Variants in MYH8 observed in about 807,000 individuals in gnomAD.
The protein encoded by MYH8 is myosin heavy chain 8.
In MYH8, 168 loss-of-function variants were observed where a neutral mutation model predicts 233.2. The ratio of observed to expected loss-of-function variants is 0.72; its 90% CI spans 0.64 to 0.82. The LOEUF (loss-of-function observed/expected upper bound fraction) is 0.82. MYH8 is among the 40% of genes least tolerant of loss of function. The pLI is 0.00. For synonymous variants in MYH8, 785 were observed against 850.6 expected, an observed-to-expected ratio of 0.92 and a Z score of 1.34; for missense variants, 1,995 against 2,327.8, an observed-to-expected ratio of 0.86 and a Z score of 2.94.
At chr17:10,392,799 C>T (rs2072039721) in intron 37 of MYH8, 32 bp downstream of exon 37, 4 of 1,614,104 alleles carry the variant, frequency 2.5e-6, no homozygotes, top group Non-Finnish European at 3.4e-6. Flanking sequence ...CCCTTTTTCC[C>T]TTCCCAGATT....
intron 12 of MYH8, 40 bp downstream of exon 12, chr17:10,413,862 A>G (rs371438676): frequency 3.1e-6 from 5 of 1,612,800 alleles, no homozygotes; most frequent in African/African-American, 2.7e-5. Context: ...TTTTTTTGCT[A>G]CATTCTCTCA....
At chr17:10,413,454 A>C (rs192702730) in intron 12 of MYH8, among the ~76,000 whole-genome samples, 10 of 152,194 alleles carry the variant, frequency 6.6e-5, no homozygotes, top group African/African-American at 2.4e-4. Context: ...TATATTGTCT[A>C]TGGATTTATA....
rs1247248833 is a variant in MYH8, at chr17:10,396,576, C to T, written c.4505G>A (p.Arg1502Lys). The stretch of plus-strand genomic sequence containing the variant: ...ACGTTGCAAGTTCTTATTTTCTCTT[C>T]TTAGCGTTTCGAGTTGATCCAGGGA... ...EESLDQLETL[R>K]RENKNLQQEI... Residue 1502 changes from arginine (R) to lysine (K), a missense_variant, in exon 32 of 40, where the codon AGA (arginine) becomes AAA (lysine). Arg to Lys is a conservative substitution (Grantham distance 26). This residue lies in a region of MYH8 where 1,498 missense variants were observed against 1,680.9 expected (regional missense o/e 0.89). Transcript: ENST00000403437. This position sits in a 1 kb window ranked among gnomAD's most constrained non-coding sequence, Gnocchi z 4.2. 1 of 1,614,032 alleles carries T rather than the reference C, an allele frequency of 6.2e-7. No homozygotes were observed. Among genetic ancestry groups the T allele is most frequent in the Non-Finnish European group, 8.5e-7 (1 of 1,180,030 alleles).
intron 28 of MYH8, 72 bp from the exon 29 acceptor site, chr17:10,398,958 GT>G (rs1567683067): frequency 3.7e-6 from 3 of 810,692 alleles, no homozygotes; most frequent in Non-Finnish European, 4.1e-6. Context: ...ATTTATATAT[GT>G]GTGTGTGTAT....
chr17:10,421,011 A>G (rs2072334636), intron 2 of MYH8, among the ~76,000 whole-genome samples: 1 of 152,220 alleles, frequency 6.6e-6, no homozygotes, highest in African/African-American at 2.4e-5. Flanking sequence ...CCCAGAAAAC[A>G]GAGAAAAAAG....
At position 10,420,212 on chromosome 17, in the gene MYH8, C is replaced by CT; in HGVS notation, c.15dup (p.Asp6ArgfsTer3). On this transcript the variant is annotated frameshift_variant, in exon 3 of 40. Transcript: ENST00000403437. LOFTEE classifies it high-confidence loss of function. ...TCGCCAAAAACAGCCATCTCAGCGT[C>CT]TGAGCTCGCACTCATGGCTGCGATT... 6.2e-7 allele frequency: 1 copy of CT among 1,613,318 alleles called. No homozygotes were observed. The highest frequency in any genetic ancestry group is 1.3e-5 in the African/African-American group (1 of 75,054).
intron 30 of MYH8, 58 bp from the exon 31 acceptor site, chr17:10,397,044 C>T: frequency 6.4e-7 from 1 of 1,560,284 alleles, no homozygotes; most frequent in Non-Finnish European, 8.8e-7. Flanking sequence ...AAGTGATAAC[C>T]TCCTTGGTCC....
chr17:10,395,110 G>C (rs189018791), intron 34 of MYH8, 23 bp downstream of exon 34: 11 of 1,612,248 alleles, frequency 6.8e-6, no homozygotes. Context: ...CTTCATCTGG[G>C]AGGCGAATGT....
rs780667343 is a variant in MYH8 at position 10,398,830 on chromosome 17, T to C, written c.3919A>G (p.Ser1307Gly). 6.2e-7 allele frequency: 1 copy of C among 1,613,948 alleles called. No individual in the cohort carries two copies. The highest frequency in any genetic ancestry group is 8.5e-7 in the Non-Finnish European group (1 of 1,180,014). Residue 1307 changes from serine (S) to glycine (G), a missense_variant, in exon 29 of 40, where the codon AGC (serine) becomes GGC (glycine). Around this residue, in one of 3 missense-constraint regions of MYH8, gnomAD observed 1,498 missense variants for 1,680.9 expected, o/e 0.89. Transcript: ENST00000403437. ...KDALVSQLSR[S>G]KQASTQQIEE... ...ATCTGCTGAGTAGATGCTTGCTTGC[T>C]CCTTGAAAGCTGAGAGACTAAAGCA... is the stretch of plus-strand genomic sequence containing the variant.
At chr17:10,395,486 A>C in intron 33 of MYH8, 45 bp from the exon 34 acceptor site, 1 of 1,598,538 alleles carries the variant, frequency 6.3e-7, no homozygotes, top group East Asian at 2.2e-5. Context: ...GAACCTGAGT[A>C]TTTGGAGTAT....
intron 12 of MYH8, among the ~76,000 whole-genome samples, chr17:10,413,415 A>G (rs1420108698): frequency 6.6e-6 from 1 of 152,058 alleles, no homozygotes; most frequent in Non-Finnish European, 1.5e-5. Context: ...TTTTTTCTCA[A>G]TTCCTTTTTT....
Position 10,401,199 on chromosome 17 carries a change from G to A in MYH8, c.3109-8C>T, listed in dbSNP as rs1254749375. ...TTCCAGAGACCCTTCAAGCTAATAA[G>A]AAAGTAAATATGGTAAAAATTGAAA... On this transcript the variant is annotated splice_polypyrimidine_tract_variant and splice_region_variant and intron_variant, in intron 24 of 39. Coordinates refer to ENST00000403437, the MANE Select transcript of MYH8 (RefSeq NM_002472.3). 1 of 1,613,538 alleles carries A rather than the reference G, an allele frequency of 6.2e-7. No homozygotes were observed.
Position 10,415,807 on chromosome 17 carries a change from T to C in MYH8, c.512-99A>G. 1.5e-6 allele frequency: 2 copies of C among 1,354,622 alleles called. No individual in the cohort carries two copies. Among genetic ancestry groups the C allele is most frequent in the Non-Finnish European group, 1.0e-6 (1 of 970,128 alleles). 83.9% of individuals were successfully genotyped at this position (1,354,622 alleles called of 1,614,324 possible). ...AACACAGCTTGTTCTTTTTAACTTT[T>C]TGAAGATGTCACCTTTGGTTTTGAT... On this transcript the variant is annotated intron_variant, in intron 5 of 39. Coordinates refer to ENST00000403437, the MANE Select transcript of MYH8 (RefSeq NM_002472.3). The surrounding 1 kb of genome is among the most constrained non-coding windows in gnomAD (Gnocchi z 4.1).
intron 27 of MYH8, among the ~76,000 whole-genome samples, chr17:10,399,953 C>G (rs1357632154): frequency 1.3e-5 from 2 of 152,164 alleles, no homozygotes; most frequent in Non-Finnish European, 2.9e-5. Flanking sequence ...CCTGTAATCC[C>G]AGCACTTTGG....
In MYH8 at chr17:10,397,734, T is replaced by C. The variant is rs76687824; in HGVS notation, c.4178+710A>G. ...TTACTGGCCAGAAATATACTGAGCA[T>C]ATTCATTTGCTTTCTCAGACTTTTC... On this transcript the variant is annotated intron_variant, in intron 30 of 39. Coordinates refer to ENST00000403437, the MANE Select transcript of MYH8 (RefSeq NM_002472.3). 3.1e-3 allele frequency among the ~76,000 whole-genome samples: 472 copies of C among 152,372 alleles called. 2 individuals are homozygous for C. The highest frequency in any genetic ancestry group is 0.011 in the African/African-American group (456 of 41,590).
chr17:10,401,295 G>A lies in MYH8; in HGVS notation c.3088C>T (p.Leu1030=). 6.2e-7 allele frequency: 1 copy of A among 1,614,132 alleles called. No individual in the cohort carries two copies. The highest frequency in any genetic ancestry group is 8.5e-7 in the Non-Finnish European group (1 of 1,180,032). Residue 1030 remains leucine, a synonymous_variant, in exon 24 of 40, where the codon CTA becomes TTA. Coordinates refer to ENST00000403437, the MANE Select transcript of MYH8 (RefSeq NM_002472.3). ...VNILTKAKTK[L]EQQVDDLEGS... Reference sequence around the variant, plus strand: ...CTTACATCATCCACTTGCTGTTCTAGCTTGGTTTTAGCTTTGGTCAGGATG... The same window carrying A: ...CTTACATCATCCACTTGCTGTTCTAACTTGGTTTTAGCTTTGGTCAGGATG...
In MYH8 at chr17:10,413,914, C is replaced by T. The variant is rs2072266530; in HGVS notation, c.1135G>A (p.Asp379Asn). Reference protein sequence around the residue: ...QKQREEQAEPDGTEVADKAAY... With the variant: ...QKQREEQAEPNGTEVADKAAY... ...TTTCATTTGGTACCTTCTGTGCCAT[C>T]TGGCTCAGCTTGCTCCTCACGCTGC... The change falls in exon 12 of 40, where the codon GAT becomes AAT. Residue 379 changes from aspartate (D) to asparagine (N), a missense_variant. Asp to Asn is a conservative substitution (Grantham distance 23, BLOSUM62 1). Coordinates refer to ENST00000403437, the MANE Select transcript of MYH8 (RefSeq NM_002472.3). 1.9e-6 allele frequency: 3 copies of T among 1,614,102 alleles called. No individual in the cohort carries two copies. Among genetic ancestry groups the T allele is most frequent in the Non-Finnish European group, 1.7e-6 (2 of 1,180,014 alleles).
chr17:10,415,812 G>T lies in MYH8; in HGVS notation c.512-104C>A. The T allele has an allele frequency of 7.6e-7, 1 of 1,322,530 alleles. No individual in the cohort carries two copies. The highest frequency in any genetic ancestry group is 1.3e-5 in the South Asian group (1 of 78,202). 81.9% of individuals were successfully genotyped at this position (1,322,530 alleles called of 1,614,324 possible). ...AGCTTGTTCTTTTTAACTTTTTGAA[G>T]ATGTCACCTTTGGTTTTGATTTTGT... On this transcript the variant is annotated intron_variant, in intron 5 of 39. Coordinates refer to ENST00000403437, the MANE Select transcript of MYH8 (RefSeq NM_002472.3). The surrounding 1 kb of genome is among the most constrained non-coding windows in gnomAD (Gnocchi z 4.1).
rs200214149 is a variant in MYH8, at chr17:10,390,409, T to C, written c.*45A>G. 24 of 1,611,146 alleles carry C rather than the reference T, an allele frequency of 1.5e-5. No individual in the cohort carries two copies. Among genetic ancestry groups the C allele is most frequent in the East Asian group, 1.1e-4 (5 of 44,882 alleles). ...AAAGCAAGTGACCAAAAATAGCACA[T>C]TTTGTGCCTTTCTTCAGCCTCTTGA... On this transcript the variant is annotated 3_prime_UTR_variant, in exon 40 of 40. Coordinates refer to ENST00000403437, the MANE Select transcript of MYH8 (RefSeq NM_002472.3).
Sources: allele counts gnomAD v4.1 joint callset (sites outside exome capture counted in the v4.1 genomes callset), GRCh38; gene constraint gnomAD v4.1.1; regional missense constraint gnomAD v4.1.1; non-coding constraint Gnocchi (gnomAD v3.1); transcripts MANE v1.5; gene names NCBI Gene and HGNC (gene_info 2026-07-23, HGNC 2026-07-21).